Variants in ATAD2 observed in about 807,000 individuals in gnomAD.
ATAD2 encodes the protein ATPase family AAA domain-containing protein 2.
ATAD2 carries 62 observed loss-of-function variants against 168.9 expected under a neutral mutation model. The ratio of observed to expected loss-of-function variants is 0.37; its 90% confidence interval spans 0.30 to 0.45. ATAD2 has a LOEUF of 0.45. Ranked by LOEUF, ATAD2 falls within the 20% of genes least tolerant of loss-of-function variation. The probability of loss-of-function intolerance (pLI) is 1.00; values close to 1 mark genes in which losing one functional copy is unlikely to be tolerated. For missense variants in ATAD2, 1,419 were observed against 1,667.8 expected, an observed-to-expected ratio of 0.85 and a Z score of 2.60; for synonymous variants, 613 against 571.6, an observed-to-expected ratio of 1.07 and a Z score of -1.03.
chr8:123,398,226 C>CTTTTTTTTT (rs1188897965), upstream of ATAD2, among the ~76,000 whole-genome samples: 6 of 101,806 alleles, frequency 5.9e-5, no homozygotes, highest in African/African-American at 1.7e-4. Context: ...GGTTCTTGTT[C>CTTTTTTTTT]TTTTTTTTTT....
At chr8:123,339,555 T>A in intron 19 of ATAD2, 109 bp from the exon 20 acceptor site, 1 of 999,058 alleles carries the variant, frequency 1.0e-6, no homozygotes, top group Non-Finnish European at 1.5e-6. Context: ...AAGTGACATG[T>A]ATTCAGTATG....
In ATAD2 at chr8:123,350,732, T is replaced by C. The variant is rs76202488; in HGVS notation, c.1647-1288A>G. Reference sequence around the variant, plus strand: ...TAGCTAGATCTAGAAGCTTTTTTTTTCTTTTTTTTTGAGACAGAGTCTCGC... The same window carrying C: ...TAGCTAGATCTAGAAGCTTTTTTTTCCTTTTTTTTTGAGACAGAGTCTCGC... On this transcript the variant is annotated intron_variant, in intron 13 of 27. Transcript: ENST00000287394. Among the ~76,000 whole-genome samples the C allele has an allele frequency of 1.1e-4, 16 of 151,996 alleles. No individual in the cohort carries two copies. In the South Asian group the frequency reaches 3.1e-3, roughly 30 times the overall value.
chr8:123,372,940 T>C (rs1225113279), intron 2 of ATAD2, among the ~76,000 whole-genome samples: 2 of 151,004 alleles, frequency 1.3e-5, no homozygotes, highest in African/African-American at 4.9e-5. Flanking sequence ...TCGCCCAGGC[T>C]GGAGTGCAGT....
At chr8:123,330,263 TAC>T (rs1299612993) in intron 24 of ATAD2, among the ~76,000 whole-genome samples, 1 of 152,146 alleles carries the variant, frequency 6.6e-6, no homozygotes, top group Non-Finnish European at 1.5e-5. Context: ...GTGCTGGGAT[TAC>T]AGACATGAGC....
At chr8:123,349,500 T>C (rs1311913969) in intron 13 of ATAD2, 56 bp from the exon 14 acceptor site, 2 of 1,485,712 alleles carry the variant, frequency 1.3e-6, no homozygotes, top group East Asian at 2.3e-5. Context: ...GTCTATATCA[T>C]TCAGTAATAT....
intron 19 of ATAD2, 87 bp downstream of exon 19, chr8:123,344,797 G>A: frequency 7.1e-7 from 1 of 1,405,280 alleles, no homozygotes; most frequent in East Asian, 2.3e-5. Context: ...CACTTCTACA[G>A]CATTTGAATT....
Position 123,396,230 on chromosome 8 carries a change from C to A in ATAD2, c.128G>T (p.Gly43Val). 1 of 1,602,106 alleles carries A rather than the reference C, an allele frequency of 6.2e-7. No individual in the cohort carries two copies. Reference protein sequence around the residue: ...HIGRRRLRSAGAAQKKPAATT... With the variant: ...HIGRRRLRSAVAAQKKPAATT... ...CGCCGCGGGTTTCTTCTGCGCCGCG[C>A]CGGCCGAGCGGAGCCGCCTCCGGCC... The change falls in exon 1 of 28, where the codon GGC (glycine) becomes GTC (valine). Residue 43 changes from glycine to valine, a missense_variant. By Grantham distance (109) the Gly-to-Val change is moderately radical. This residue lies in a region of ATAD2 where 419 missense variants were observed against 423.5 expected (regional missense o/e 0.99). Coordinates refer to ENST00000287394, the MANE Select transcript of ATAD2 (RefSeq NM_014109.4).
intron 1 of ATAD2, among the ~76,000 whole-genome samples, chr8:123,409,748 A>G (rs1813124781): frequency 1.3e-5 from 2 of 151,714 alleles, no homozygotes; most frequent in African/African-American, 2.4e-5. Flanking sequence ...CAGGTGGATC[A>G]CCTGGGGTTG....
At chr8:123,389,960 T>TATATATATA (rs1554647645) in intron 1 of ATAD2, among the ~76,000 whole-genome samples, 1 of 94,060 alleles carries the variant, frequency 1.1e-5, no homozygotes, top group Non-Finnish European at 2.1e-5. Flanking sequence ...TACTATTATT[T>TATATATATA]TATATATATA....
chr8:123,399,315 G>T (rs1325777522), upstream of ATAD2, among the ~76,000 whole-genome samples: 1 of 151,552 alleles, frequency 6.6e-6, no homozygotes, highest in African/African-American at 2.4e-5. Context: ...CATTTGATTT[G>T]TTTATTCAGG....
intron 1 of ATAD2, among the ~76,000 whole-genome samples, chr8:123,393,693 G>A (rs1207462234): frequency 1.3e-5 from 2 of 152,028 alleles, no homozygotes; most frequent in Non-Finnish European, 2.9e-5. Context: ...GAGGTGGGCC[G>A]ATCACCTGAG....
chr8:123,333,935 G>A lies in ATAD2; in HGVS notation c.3421C>T (p.Pro1141Ser). The A allele has an allele frequency of 6.2e-7, 1 of 1,614,054 alleles. No individual in the cohort carries two copies. The highest frequency in any genetic ancestry group is 8.5e-7 in the Non-Finnish European group (1 of 1,179,998). Residue 1141 changes from proline (P) to serine (S), a missense_variant, in exon 24 of 28, where the codon CCA (proline) becomes TCA (serine). Physicochemically the swap from Pro to Ser is moderately conservative, Grantham distance 74. This residue lies in a region of ATAD2 where 303 missense variants were observed against 304.3 expected (regional missense o/e 1.00). Coordinates refer to ENST00000287394, the MANE Select transcript of ATAD2 (RefSeq NM_014109.4). Reference sequence around the variant, plus strand: ...GTCTTTAGCTTTTCATTCTGCTCTGGGTCTGATCTTTTATCACCAACAAGA... The same window carrying A: ...GTCTTTAGCTTTTCATTCTGCTCTGAGTCTGATCTTTTATCACCAACAAGA... ...STLVGDKRSD[P>S]EQNEKLKTPS...
intron 26 of ATAD2, among the ~76,000 whole-genome samples, chr8:123,324,602 T>A (rs1233992693): frequency 6.6e-6 from 1 of 152,026 alleles, no homozygotes; most frequent in African/African-American, 2.4e-5. Context: ...AAGTACAGAA[T>A]AATAGAGCAA....
intron 1 of ATAD2, among the ~76,000 whole-genome samples, chr8:123,390,870 A>G (rs1174195081): frequency 6.6e-6 from 1 of 152,132 alleles, no homozygotes; most frequent in African/African-American, 2.4e-5. Flanking sequence ...TTAGCTGGGC[A>G]TGGTGGCAGG....
At chr8:123,351,447 G>A (rs561469477) in intron 13 of ATAD2, among the ~76,000 whole-genome samples, 31 of 152,208 alleles carry the variant, frequency 2.0e-4, no homozygotes, top group African/African-American at 5.5e-4. Flanking sequence ...CTGTCCCTTC[G>A]GGGAGGGGGA....
chr8:123,413,588 TG>T (rs1813196107), intron 1 of ATAD2, among the ~76,000 whole-genome samples: 1 of 152,090 alleles, frequency 6.6e-6, no homozygotes, highest in Non-Finnish European at 1.5e-5. Flanking sequence ...AAGATTTGAG[TG>T]TGTTTCTGAC....
chr8:123,412,950 T>C (rs1274891227), intron 1 of ATAD2, among the ~76,000 whole-genome samples: 1 of 152,192 alleles, frequency 6.6e-6, no homozygotes, highest in Non-Finnish European at 1.5e-5. Context: ...CAGTACCTGA[T>C]GATAGGCCCC....
At chr8:123,368,766 G>A (rs1467595826) in intron 8 of ATAD2, among the ~76,000 whole-genome samples, 1 of 152,144 alleles carries the variant, frequency 6.6e-6, no homozygotes, top group African/African-American at 2.4e-5. Flanking sequence ...TTAACACAGA[G>A]CCAGGACTAC....
chr8:123,386,291 C>T (rs1452648478), intron 1 of ATAD2, among the ~76,000 whole-genome samples: 2 of 152,170 alleles, frequency 1.3e-5, no homozygotes, highest in East Asian at 3.9e-4. Context: ...GACAGATGAA[C>T]GGACAAACAA....
Sources: allele counts gnomAD v4.1 joint callset (sites outside exome capture counted in the v4.1 genomes callset), GRCh38; gene constraint gnomAD v4.1.1; regional missense constraint gnomAD v4.1.1; transcripts MANE v1.5; gene names NCBI Gene and HGNC (gene_info 2026-07-23, HGNC 2026-07-21).